The following CALCOCO1 variants were observed in gnomAD, a reference collection of about 807,000 sequenced individuals.
The protein encoded by CALCOCO1 is calcium binding and coiled-coil domain 1.
CALCOCO1 carries 44 observed loss-of-function variants against 86.3 expected under a neutral mutation model. That is an observed-to-expected ratio of 0.51 (90% CI 0.40 to 0.66). The LOEUF is 0.66. Ranked by LOEUF, CALCOCO1 falls within the 30% of genes least tolerant of loss-of-function variation. The pLI is 0.00. For synonymous variants in CALCOCO1, 297 were observed against 327.6 expected (o/e 0.91, Z 1.01); for missense variants, 708 against 851.1 (o/e 0.83, Z 2.09).
chr12:53,713,729 C>A lies in CALCOCO1; in HGVS notation c.1763G>T (p.Gly588Val). ...GTCAGAGCTACTGTCCTCAGCTGGC[C>A]CAGAGAGGTGAGGAGAAATGGGAGC... ...QPAPISPHLSGPAEDSSSDSE... is the reference protein window; with the variant it reads ...QPAPISPHLSVPAEDSSSDSE... The change falls in exon 13 of 15, where the codon GGG (glycine) becomes GTG (valine). Residue 588 changes from glycine (G) to valine (V), a missense_variant. Physicochemically the swap from Gly to Val is moderately radical, Grantham distance 109 (BLOSUM62 -3). Coordinates refer to ENST00000550804, the MANE Select transcript of CALCOCO1 (RefSeq NM_020898.3). 1 of 1,594,230 alleles carries A rather than the reference C, an allele frequency of 6.3e-7. No individual in the cohort carries two copies.
intron 3 of CALCOCO1, chr12:53,724,094 G>A (rs61922775): frequency 0.049 from 20,055 of 405,560 alleles, 665 homozygotes; most frequent in Middle Eastern, 0.092. Flanking sequence ...GCAGTGGCGC[G>A]ATCTTGGCTT....
Position 53,711,968 on chromosome 12 carries a change from G to A in CALCOCO1, c.2052C>T (p.Thr684=), listed in dbSNP as rs758415647. Residue 684 remains threonine (T), a synonymous_variant, in exon 15 of 15, where the codon ACC becomes ACT. Coordinates refer to ENST00000550804, the MANE Select transcript of CALCOCO1 (RefSeq NM_020898.3). ...DHMDGHFFFS[T]QDPFTFE ...ATCACTCAAAGGTGAAGGGGTCCTG[G>A]GTGCTGAAAAAGAAGTGTCCATCCA... 1.9e-6 allele frequency: 3 copies of A among 1,588,348 alleles called. No individual in the cohort carries two copies. Among genetic ancestry groups the A allele is most frequent in the African/African-American group, 1.3e-5 (1 of 74,122 alleles).
Position 53,720,899 on chromosome 12 carries a change from G to A in CALCOCO1, c.758+568C>T, listed in dbSNP as rs149575391. 2.1e-4 allele frequency among the ~76,000 whole-genome samples: 32 copies of A among 152,302 alleles called. 1 individual carries two copies. In the East Asian group the frequency reaches 6.0e-3, roughly 28 times the overall value. On this transcript the variant is annotated intron_variant, in intron 6 of 14. Coordinates refer to ENST00000550804, the MANE Select transcript of CALCOCO1 (RefSeq NM_020898.3). Reference sequence around the variant, plus strand: ...CTCAGGACCCCCTGGTAAGTTATAGGAGAGGAGAGTTTGGCTCAATACAAG... The same window carrying A: ...CTCAGGACCCCCTGGTAAGTTATAGAAGAGGAGAGTTTGGCTCAATACAAG...
Position 53,711,187 on chromosome 12 carries a change from TG to T in CALCOCO1, c.*756del. On this transcript the variant is annotated 3_prime_UTR_variant, in exon 15 of 15. Coordinates refer to ENST00000550804, the MANE Select transcript of CALCOCO1 (RefSeq NM_020898.3). ...TATCAGGGGGAAGCTTTTATTGCTGTGGGGGGACCTGGAGAGGGAGGGGGGC... is the reference window on the plus strand; with the variant it reads ...TATCAGGGGGAAGCTTTTATTGCTGTGGGGGACCTGGAGAGGGAGGGGGGC... 1 of 395,842 alleles carries T rather than the reference TG, an allele frequency of 2.5e-6. No individual in the cohort carries two copies. Among genetic ancestry groups the T allele is most frequent in the Non-Finnish European group, 4.4e-6 (1 of 224,908 alleles). 24.5% of individuals were successfully genotyped at this position (395,842 alleles called of 1,614,324 possible). A position where few individuals can be genotyped will look rare whatever the true frequency, so the allele number is the denominator to read the frequency against.
At chr12:53,718,866 G>A (rs1323998663) in intron 7 of CALCOCO1, among the ~76,000 whole-genome samples, 1 of 26,288 alleles carries the variant, frequency 3.8e-5, no homozygotes, top group East Asian at 6.9e-4. Flanking sequence ...TTTTTTTTTT[G>A]GCACAGAGTC....
Position 53,723,667 on chromosome 12 carries a change from C to T in CALCOCO1, c.376G>A (p.Glu126Lys). 3 of 1,614,220 alleles carry T rather than the reference C, an allele frequency of 1.9e-6. No homozygotes were observed. Among genetic ancestry groups the T allele is most frequent in the Non-Finnish European group, 2.5e-6 (3 of 1,180,046 alleles). The change falls in exon 4 of 15, where the codon GAA (glutamate) becomes AAA (lysine). Residue 126 changes from glutamate to lysine, a missense_variant. Coordinates refer to ENST00000550804, the MANE Select transcript of CALCOCO1 (RefSeq NM_020898.3). Reference protein sequence around the residue: ...FQFREPRPMDELVTLEEADGG... With the variant: ...FQFREPRPMDKLVTLEEADGG... ...TCAGCCTCCTCCAGGGTCACCAGTT[C>T]ATCCATGGGCCTTGGCTCTCGGAAC...
At chr12:53,720,987 T>C (rs2120620678) in intron 6 of CALCOCO1, among the ~76,000 whole-genome samples, 1 of 152,364 alleles carries the variant, frequency 6.6e-6, no homozygotes, top group African/African-American at 2.4e-5. Flanking sequence ...ACCTCTTACA[T>C]ACCCTCATAC....
chr12:53,723,834 C>T, intron 3 of CALCOCO1, 51 bp from the exon 4 acceptor site: 1 of 1,541,100 alleles, frequency 6.5e-7, no homozygotes, highest in Non-Finnish European at 8.9e-7. Context: ...TGTCCTTGGC[C>T]CCAGCCCCTT....
rs201880686 is a variant in CALCOCO1, at chr12:53,725,178, C to T, written c.65G>A (p.Arg22Gln). Residue 22 changes from arginine (R) to glutamine (Q), a missense_variant, in exon 2 of 15, where the codon CGG becomes CAG. Coordinates refer to ENST00000550804, the MANE Select transcript of CALCOCO1 (RefSeq NM_020898.3). ...RGGVNFLNVARTYIPNTKVEC... is the reference protein window; with the variant it reads ...RGGVNFLNVAQTYIPNTKVEC... The stretch of plus-strand genomic sequence containing the variant: ...CACCTTGGTGTTGGGGATGTAGGTC[C>T]GGGCTACATTGAGAAAGTTGACTCC... 1.1e-4 allele frequency: 179 copies of T among 1,612,818 alleles called. No homozygotes were observed. The highest frequency in any genetic ancestry group is 1.4e-4 in the Non-Finnish European group (160 of 1,179,432).
chr12:53,715,556 C>T (rs541074575), intron 9 of CALCOCO1: 1 of 742,724 alleles, frequency 1.3e-6, no homozygotes. Flanking sequence ...GGGTCTAGGA[C>T]AGAAAATGTT....
At chr12:53,726,664 CA>C (rs527934721) in intron 1 of CALCOCO1, among the ~76,000 whole-genome samples, 195 of 152,188 alleles carry the variant, frequency 1.3e-3, no homozygotes, top group African/African-American at 4.3e-3. Flanking sequence ...GCCAGCAACA[CA>C]AAAAGGAGCA....
At chr12:53,726,918 G>A (rs935162912) in intron 1 of CALCOCO1, among the ~76,000 whole-genome samples, 5 of 152,140 alleles carry the variant, frequency 3.3e-5, no homozygotes, top group African/African-American at 7.2e-5. Context: ...CTAAGATGTA[G>A]GTGTGTAGCC....
At chr12:53,718,908 T>C (rs1945799031) in intron 7 of CALCOCO1, among the ~76,000 whole-genome samples, 1 of 144,852 alleles carries the variant, frequency 6.9e-6, no homozygotes, top group Non-Finnish European at 1.5e-5. Context: ...AGAGCCGTAG[T>C]GTGATCTAGG....
intron 9 of CALCOCO1, 55 bp from the exon 10 acceptor site, chr12:53,715,380 G>A (rs1159823502): frequency 2.0e-5 from 32 of 1,606,346 alleles, no homozygotes; most frequent in Middle Eastern, 3.3e-4. Flanking sequence ...AAAAAGGAAC[G>A]CCACTGTCAA....
chr12:53,717,716 G>A (rs1042379620), intron 7 of CALCOCO1, among the ~76,000 whole-genome samples: 3 of 152,112 alleles, frequency 2.0e-5, no homozygotes, highest in Non-Finnish European at 4.4e-5. Context: ...TAACAATTAT[G>A]TTAAAAAAAG....
intron 14 of CALCOCO1, chr12:53,712,744 C>T (rs757332024): frequency 8.2e-7 from 1 of 1,224,654 alleles, no homozygotes; most frequent in Non-Finnish European, 1.1e-6. Flanking sequence ...TGGTCACCTC[C>T]CTTCCTCCCC....
chr12:53,715,611 C>A (rs183248604), intron 9 of CALCOCO1, 182 bp downstream of exon 9: 3 of 828,318 alleles, frequency 3.6e-6, no homozygotes, highest in African/African-American at 1.7e-5. Context: ...TGGGATACCC[C>A]GGTTAGGGAT....
intron 4 of CALCOCO1, 186 bp downstream of exon 4, chr12:53,723,407 C>T: frequency 4.7e-6 from 3 of 634,856 alleles, no homozygotes; most frequent in South Asian, 3.8e-5. Flanking sequence ...GGTCTCCTTT[C>T]CTGCCTTACA....
Position 53,711,983 on chromosome 12 carries a change from G to A in CALCOCO1, c.2037C>T (p.His679=), listed in dbSNP as rs1001414397. The A allele has an allele frequency of 8.1e-6, 13 of 1,598,690 alleles. No individual in the cohort carries two copies. In the Admixed American group the frequency reaches 8.7e-5, roughly 11 times the overall value. The change falls in exon 15 of 15, where the codon CAC becomes CAT. Residue 679 remains histidine (H), a synonymous_variant. Coordinates refer to ENST00000550804, the MANE Select transcript of CALCOCO1 (RefSeq NM_020898.3). ...KDALEDHMDG[H]FFFSTQDPFT... ...AGGGGTCCTGGGTGCTGAAAAAGAA[G>A]TGTCCATCCATGTGGTCCTCCAGGG...
Sources: gnomAD v4.1 joint callset for allele counts (sites outside exome capture counted in the v4.1 genomes callset) on GRCh38, gnomAD v4.1.1 for gene constraint, MANE v1.5 for transcripts, NCBI Gene and HGNC (gene_info 2026-07-23, HGNC 2026-07-21) for gene names.